Variants in BOP1 observed in about 807,000 individuals in gnomAD.
BOP1 encodes BOP1 ribosomal biogenesis factor.
BOP1 carries 54 observed loss-of-function variants against 82.9 expected under a neutral mutation model. The ratio of observed to expected loss-of-function variants is 0.65; its 90% CI spans 0.52 to 0.82. The LOEUF (loss-of-function observed/expected upper bound fraction) is 0.82, where lower values mean the gene tolerates loss of function less well. Ranked by LOEUF, BOP1 falls within the 40% of genes least tolerant of loss-of-function variation. The probability of loss-of-function intolerance (pLI) is 0.00; values close to 1 mark genes in which losing one functional copy is unlikely to be tolerated. For synonymous variants in BOP1, 566 were observed against 451.1 expected, an observed-to-expected ratio of 1.25 and a Z score of -3.23; for missense variants, 1,170 against 1,072.0, an observed-to-expected ratio of 1.09 and a Z score of -1.28.
At chr8:144,268,429 AAT>A in intron 3 of BOP1, 3 of 566,128 alleles carry the variant, frequency 5.3e-6, no homozygotes, top group Non-Finnish European at 6.2e-6. Flanking sequence ...TTGATATGAT[AAT>A]ATAAAGTCTG....
intron 7 of BOP1, 24 bp from the exon 8 acceptor site, chr8:144,264,166 TG>T (rs1845303617): frequency 6.2e-7 from 1 of 1,609,126 alleles, no homozygotes; most frequent in African/African-American, 1.3e-5. Context: ...GACACAGGGG[TG>T]GGGAGGGTCA....
intron 3 of BOP1, among the ~76,000 whole-genome samples, chr8:144,275,607 C>G (rs1554838231): frequency 1.3e-3 from 191 of 152,286 alleles, no homozygotes; most frequent in Non-Finnish European, 2.1e-3. Flanking sequence ...CAGCCGACCT[C>G]CTGCCCCTCC....
At position 144,262,481 on chromosome 8, in the gene BOP1, C is replaced by T; in HGVS notation, c.2002G>A (p.Ala668Thr). The change falls in exon 15 of 16, where the codon GCT (alanine) becomes ACT (threonine). Residue 668 changes from alanine to threonine, a missense_variant. Transcript: ENST00000569669. ...MLRHHKKALR[A>T]VAFHPRYPLF... ...GGGTACCGCGGGTGGAAGGCCACAG[C>T]CCGCAGAGCCTTCTTGTGGTGTCTG... 1.2e-6 allele frequency: 2 copies of T among 1,612,730 alleles called. No individual in the cohort carries two copies. Among genetic ancestry groups the T allele is most frequent in the South Asian group, 1.1e-5 (1 of 91,068 alleles).
rs1376025363 is a variant in BOP1 at position 144,268,085 on chromosome 8, T to G, written c.391-3014A>C. 3.2e-6 allele frequency: 5 copies of G among 1,549,942 alleles called. No individual in the cohort carries two copies. The African/African-American group carries it at 5.5e-5, about 17-fold the overall frequency. ...GCTGGGCTCTGCCGGGGCCTGACAC[T>G]CCTCCCTCCCCTCTGCAGAGCAAGG... On this transcript the variant is annotated intron_variant, in intron 3 of 15. Coordinates refer to ENST00000569669, the MANE Select transcript of BOP1 (RefSeq NM_015201.5).
chr8:144,270,309 A>C (rs1355213957), intron 3 of BOP1, among the ~76,000 whole-genome samples: 2 of 152,060 alleles, frequency 1.3e-5, no homozygotes, highest in Non-Finnish European at 2.9e-5. Context: ...GGGGAAAGAG[A>C]CGTCAGAGCC....
intron 3 of BOP1, among the ~76,000 whole-genome samples, chr8:144,268,822 C>A (rs1017417211): frequency 1.6e-4 from 24 of 151,518 alleles, no homozygotes; most frequent in African/African-American, 5.8e-4. Flanking sequence ...GCGGCAGGGA[C>A]AGAGGCAGCA....
Position 144,262,479 on chromosome 8 carries a change from A to G in BOP1, c.2004T>C (p.Ala668=), listed in dbSNP as rs1554836523. The G allele has an allele frequency of 1.2e-6, 2 of 1,612,622 alleles. No homozygotes were observed. Among genetic ancestry groups the G allele is most frequent in the East Asian group, 4.5e-5 (2 of 44,816 alleles). ...MLRHHKKALR[A]VAFHPRYPLF... is the part of the protein sequence containing the mutation. ...GTGGGTACCGCGGGTGGAAGGCCAC[A>G]GCCCGCAGAGCCTTCTTGTGGTGTC... The change falls in exon 15 of 16, where the codon GCT becomes GCC. Residue 668 remains alanine (A), a synonymous_variant. Coordinates refer to ENST00000569669, the MANE Select transcript of BOP1 (RefSeq NM_015201.5).
At chr8:144,286,593 C>T (rs1245736909) in intron 2 of BOP1, among the ~76,000 whole-genome samples, 2 of 145,846 alleles carry the variant, frequency 1.4e-5, no homozygotes, top group East Asian at 2.0e-4. Context: ...GATGCACGGG[C>T]GCCATGGCAG....
At chr8:144,270,562 GC>G (rs1473037173) in intron 3 of BOP1, among the ~76,000 whole-genome samples, 1 of 152,102 alleles carries the variant, frequency 6.6e-6, no homozygotes, top group Admixed American at 6.5e-5. Flanking sequence ...GCGGCCGAGG[GC>G]CCGGCCCGCC....
intron 2 of BOP1, among the ~76,000 whole-genome samples, chr8:144,277,732 CTGTGGGGCACA>C (rs2130242764): frequency 6.6e-6 from 1 of 151,424 alleles, no homozygotes; most frequent in Non-Finnish European, 1.5e-5. Context: ...CGTGGGACAG[CTGTGGGGCACA>C]GAGTCCACCA....
Position 144,263,010 on chromosome 8 carries a change from G to GTGGCTGCGGCGGAACGGACTC in BOP1, c.1716_1736dup (p.Gln572_Ser578dup). 3 of 1,560,170 alleles carry GTGGCTGCGGCGGAACGGACTC rather than the reference G, an allele frequency of 1.9e-6. No individual in the cohort carries two copies. The highest frequency in any genetic ancestry group is 2.6e-6 in the Non-Finnish European group (3 of 1,160,942). On this transcript the variant is annotated inframe_insertion, in exon 13 of 16. Coordinates refer to ENST00000569669, the MANE Select transcript of BOP1 (RefSeq NM_015201.5). ...GGAAGGCCACTCGCTGCACCTGTCC[G>GTGGCTGCGGCGGAACGGACTC]TGGCTGCGGCGGAACGGACTCTGGC... is the stretch of plus-strand genomic sequence containing the variant.
chr8:144,270,355 G>A (rs1169730368), intron 3 of BOP1, among the ~76,000 whole-genome samples: 3 of 152,164 alleles, frequency 2.0e-5, no homozygotes, highest in African/African-American at 7.2e-5. Context: ...GGTGTCTAAC[G>A]AGGCTAGAAG....
rs939892740 is a variant in BOP1 at position 144,285,332 on chromosome 8, T to C, written c.309+3763A>G. Among the ~76,000 whole-genome samples, 3 of 152,224 alleles carry C rather than the reference T, an allele frequency of 2.0e-5. No individual in the cohort carries two copies. In the East Asian group the frequency reaches 5.8e-4, roughly 30 times the overall value. Reference sequence around the variant, plus strand: ...CCATCCCGCCACTGTTCCAGTCTGATGTGATGCTGTGGCTGGGATGTCCTT... The same window carrying C: ...CCATCCCGCCACTGTTCCAGTCTGACGTGATGCTGTGGCTGGGATGTCCTT... On this transcript the variant is annotated intron_variant, in intron 2 of 15. Transcript: ENST00000569669.
intron 3 of BOP1, among the ~76,000 whole-genome samples, chr8:144,270,168 G>A (rs1002121720): frequency 2.0e-5 from 3 of 152,142 alleles, no homozygotes; most frequent in Non-Finnish European, 2.9e-5. Context: ...GGGCAGGTGC[G>A]GGGCGTCGGC....
Position 144,262,394 on chromosome 8 carries a change from AC to A in BOP1, c.2087+1del. The A allele has an allele frequency of 6.2e-7, 1 of 1,612,674 alleles. No homozygotes were observed. On this transcript the variant is annotated splice_donor_variant, in intron 15 of 15. Coordinates refer to ENST00000569669, the MANE Select transcript of BOP1 (RefSeq NM_015201.5). LOFTEE classifies it high-confidence loss of function. ...AGGGGGCCAGGCAGGGTCAGCACTC[AC>A]TTGTACACCATGCCATGGCAGACGA...
In BOP1 at chr8:144,262,298, A is replaced by G; in HGVS notation, c.2107T>C (p.Leu703=). 1 of 1,612,834 alleles carries G rather than the reference A, an allele frequency of 6.2e-7. No homozygotes were observed. Among genetic ancestry groups the G allele is most frequent in the Non-Finnish European group, 8.5e-7 (1 of 1,179,800 alleles). Residue 703 remains leucine (L), a synonymous_variant, in exon 16 of 16, where the codon TTG becomes CTG. Coordinates refer to ENST00000569669, the MANE Select transcript of BOP1 (RefSeq NM_015201.5). The part of the protein sequence containing the change: ...MVYNDLLQNP[L]LVPVKVLKGH... ...TTCAGCACCTTGACGGGCACCAGCA[A>G]GGGGTTCTGCAGAAGGTCACTGTGG...
chr8:144,268,327 G>T (rs1311401182), intron 3 of BOP1: 1 of 808,474 alleles, frequency 1.2e-6, no homozygotes. Context: ...CCGGCAGCGG[G>T]ACTCTGCGCT....
Position 144,264,336 on chromosome 8 carries a change from G to A in BOP1, c.867C>T (p.Pro289=). The A allele has an allele frequency of 6.2e-7, 1 of 1,608,996 alleles. No individual in the cohort carries two copies. The highest frequency in any genetic ancestry group is 2.2e-5 in the East Asian group (1 of 44,872). Residue 289 remains proline, a synonymous_variant, in exon 7 of 16, where the codon CCC becomes CCT. Transcript: ENST00000569669. Reference sequence around the variant, plus strand: ...TCTTGTGGCGCCCGAGCACGGCGTTGGGGTCCTCCTGGGCCCACAGGTCAT... The same window carrying A: ...TCTTGTGGCGCCCGAGCACGGCGTTAGGGTCCTCCTGGGCCCACAGGTCAT... ...SFYDLWAQED[P]NAVLGRHKMH...
chr8:144,284,023 G>A (rs940894396), intron 2 of BOP1, among the ~76,000 whole-genome samples: 1 of 152,108 alleles, frequency 6.6e-6, no homozygotes, highest in East Asian at 1.9e-4. Flanking sequence ...AGGCTGAGGC[G>A]GGAGAATCAC....
Sources: gnomAD v4.1 joint callset for allele counts (sites outside exome capture counted in the v4.1 genomes callset) on GRCh38, gnomAD v4.1.1 for gene constraint, MANE v1.5 for transcripts, NCBI Gene and HGNC (gene_info 2026-07-23, HGNC 2026-07-21) for gene names.